Variants in ALOX5 observed in about 807,000 individuals in gnomAD.
ALOX5 encodes polyunsaturated fatty acid 5-lipoxygenase.
ALOX5 carries 64 observed loss-of-function variants against 87.9 expected under a neutral mutation model. The observed-to-expected ratio is 0.73, with a 90% confidence interval of 0.60 to 0.90. The LOEUF (loss-of-function observed/expected upper bound fraction) is 0.90, where lower values mean the gene tolerates loss of function less well. ALOX5 is among the 40% of genes least tolerant of loss of function. The probability of loss-of-function intolerance (pLI) is 0.00; values close to 1 mark genes in which losing one functional copy is unlikely to be tolerated. For synonymous variants in ALOX5, 388 were observed against 355.1 expected (o/e 1.09, Z -1.04); for missense variants, 822 against 907.5 (o/e 0.91, Z 1.21).
At chr10:45,388,370 C>A (rs1180200173) in intron 2 of ALOX5, among the ~76,000 whole-genome samples, 1 of 152,204 alleles carries the variant, frequency 6.6e-6, no homozygotes, top group Admixed American at 6.5e-5. Flanking sequence ...AATTTGAGAT[C>A]TGAGAAGGGA....
In ALOX5 at chr10:45,443,793, G is replaced by T; in HGVS notation, c.1639G>T (p.Ala547Ser). The T allele has an allele frequency of 6.2e-7, 1 of 1,611,336 alleles. No individual in the cohort carries two copies. Among genetic ancestry groups the T allele is most frequent in the Non-Finnish European group, 8.5e-7 (1 of 1,179,008 alleles). Residue 547 changes from alanine (A) to serine (S), a missense_variant, in exon 12 of 14, where the codon GCC becomes TCC. Ala to Ser is a moderately conservative substitution (Grantham distance 99, BLOSUM62 1). Coordinates refer to ENST00000374391, the MANE Select transcript of ALOX5 (RefSeq NM_000698.5). The stretch of plus-strand genomic sequence containing the variant: ...GTACCTGACCGTGGTGATCTTCACC[G>T]CCTCCGCCCAGCACGCCGCGGTCAA... ...SEYLTVVIFT[A>S]SAQHAAVNFG...
chr10:45,432,421 A>G (rs1841936373), intron 7 of ALOX5, among the ~76,000 whole-genome samples: 1 of 152,124 alleles, frequency 6.6e-6, no homozygotes, highest in African/African-American at 2.4e-5. Context: ...CTGGATTTGT[A>G]AGGTTACTGT....
intron 2 of ALOX5, among the ~76,000 whole-genome samples, chr10:45,386,663 C>T (rs1257897327): frequency 2.0e-5 from 3 of 151,678 alleles, no homozygotes; most frequent in Non-Finnish European, 4.4e-5. Flanking sequence ...TTATATTTTA[C>T]AAAAATATAA....
At chr10:45,404,356 G>T (rs1009121672) in intron 3 of ALOX5, among the ~76,000 whole-genome samples, 2 of 152,208 alleles carry the variant, frequency 1.3e-5, no homozygotes, top group African/African-American at 2.4e-5. Flanking sequence ...CAGAAAGCTG[G>T]CGCTTCTTGC....
chr10:45,388,548 G>A (rs547486664), intron 2 of ALOX5, among the ~76,000 whole-genome samples: 2 of 152,352 alleles, frequency 1.3e-5, no homozygotes, highest in Admixed American at 1.3e-4. Context: ...TCGCTGTTCT[G>A]CAGCCTCTGC....
chr10:45,407,979 T>A (rs1033046903), intron 3 of ALOX5, among the ~76,000 whole-genome samples: 1 of 152,182 alleles, frequency 6.6e-6, no homozygotes, highest in Non-Finnish European at 1.5e-5. Flanking sequence ...CTAAATGAGT[T>A]TGGGGTCCTA....
chr10:45,381,452 C>T (rs777393828), intron 1 of ALOX5, among the ~76,000 whole-genome samples: 17 of 152,254 alleles, frequency 1.1e-4, no homozygotes, highest in Admixed American at 3.3e-4. Context: ...GTGACTCCAG[C>T]TCTGCTGGCA....
chr10:45,378,709 G>T (rs1839720095), intron 1 of ALOX5, among the ~76,000 whole-genome samples: 1 of 152,288 alleles, frequency 6.6e-6, no homozygotes, highest in Non-Finnish European at 1.5e-5. Flanking sequence ...TGGCCCCTGG[G>T]ATGTTAGAAC....
intron 3 of ALOX5, among the ~76,000 whole-genome samples, chr10:45,408,915 G>A (rs748361323): frequency 3.3e-5 from 5 of 152,242 alleles, no homozygotes; most frequent in Middle Eastern, 3.4e-3. Flanking sequence ...ATTAGTTGTC[G>A]AATGAACACC....
chr10:45,422,908 C>T (rs141692564), intron 4 of ALOX5, among the ~76,000 whole-genome samples: 3 of 152,204 alleles, frequency 2.0e-5, no homozygotes, highest in Non-Finnish European at 4.4e-5. Context: ...TTGCAGATGT[C>T]TCTGTGTTCC....
chr10:45,396,065 C>T lies in ALOX5; in HGVS notation c.431+129C>T, dbSNP rs1041651522. ...CTGGAAAGTCACCAAGGCACCAGCT[C>T]CCAGTGTGGGTGCACAATCCCCAAA... On this transcript the variant is annotated intron_variant, in intron 3 of 13. Coordinates refer to ENST00000374391, the MANE Select transcript of ALOX5 (RefSeq NM_000698.5). The T allele has an allele frequency of 7.1e-6, 6 of 850,508 alleles. No homozygotes were observed. In the Admixed American group the frequency reaches 7.3e-5, roughly 10 times the overall value. 52.7% of individuals were successfully genotyped at this position (850,508 alleles called of 1,614,324 possible).
At chr10:45,393,027 A>G (rs955306490) in intron 2 of ALOX5, among the ~76,000 whole-genome samples, 16 of 152,224 alleles carry the variant, frequency 1.1e-4, no homozygotes, top group Non-Finnish European at 1.9e-4. Context: ...CAGAGGTACA[A>G]GGAGGAGCTG....
chr10:45,418,320 T>C (rs1329291816), intron 4 of ALOX5, among the ~76,000 whole-genome samples: 1 of 152,096 alleles, frequency 6.6e-6, no homozygotes, highest in Non-Finnish European at 1.5e-5. Flanking sequence ...GAAAGTCGTC[T>C]AAGTTCCCTG....
Position 45,428,759 on chromosome 10 carries a change from A to G in ALOX5, c.976A>G (p.Ile326Val), listed in dbSNP as rs1841818446. Residue 326 changes from isoleucine (I) to valine (V), a missense_variant, in exon 7 of 14, where the codon ATC (isoleucine) becomes GTC (valine). By Grantham distance (29) the Ile-to-Val change is conservative. Coordinates refer to ENST00000374391, the MANE Select transcript of ALOX5 (RefSeq NM_000698.5). Reference protein sequence around the residue: ...NLANKIVPIAIQLNQIPGDEN... With the variant: ...NLANKIVPIAVQLNQIPGDEN... Reference sequence around the variant, plus strand: ...GGCCAACAAGATTGTCCCCATTGCCATCCAGGTAGGCTGCTGGGGGGCACA... The same window carrying G: ...GGCCAACAAGATTGTCCCCATTGCCGTCCAGGTAGGCTGCTGGGGGGCACA... The G allele has an allele frequency of 1.9e-6, 3 of 1,613,820 alleles. No individual in the cohort carries two copies. Among genetic ancestry groups the G allele is most frequent in the Non-Finnish European group, 2.5e-6 (3 of 1,179,982 alleles).
chr10:45,411,236 G>A (rs747901296), intron 3 of ALOX5, among the ~76,000 whole-genome samples: 3 of 152,158 alleles, frequency 2.0e-5, no homozygotes, highest in Non-Finnish European at 2.9e-5. Context: ...GTTTTGTTGG[G>A]TTTTGGCCGG....
At chr10:45,395,296 G>T (rs1840455513) in intron 2 of ALOX5, among the ~76,000 whole-genome samples, 1 of 152,198 alleles carries the variant, frequency 6.6e-6, no homozygotes, top group Non-Finnish European at 1.5e-5. Flanking sequence ...ATGAATTCAT[G>T]TCCTTTGTAG....
intron 4 of ALOX5, among the ~76,000 whole-genome samples, chr10:45,413,373 C>G (rs1235098873): frequency 6.6e-6 from 1 of 152,140 alleles, no homozygotes; most frequent in Non-Finnish European, 1.5e-5. Context: ...GCAGAAAAGG[C>G]CTTTGACAAA....
At chr10:45,391,072 C>CTCT (rs1840219464) in intron 2 of ALOX5, among the ~76,000 whole-genome samples, 4 of 32,552 alleles carry the variant, frequency 1.2e-4, no homozygotes, top group Admixed American at 9.8e-4. Flanking sequence ...CTCCCTCTCC[C>CTCT]CACGGTCTCC....
intron 7 of ALOX5, among the ~76,000 whole-genome samples, chr10:45,438,567 G>A (rs1391746847): frequency 1.3e-5 from 2 of 152,012 alleles, no homozygotes; most frequent in Non-Finnish European, 2.9e-5. Context: ...AGCATGTGGG[G>A]ACATGTCAGA....
Sources: gnomAD v4.1 joint callset for allele counts (sites outside exome capture counted in the v4.1 genomes callset) on GRCh38, gnomAD v4.1.1 for gene constraint, MANE v1.5 for transcripts, NCBI Gene and HGNC (gene_info 2026-07-23, HGNC 2026-07-21) for gene names.